The following NBEAL1 variants were observed in gnomAD, a reference collection of about 807,000 sequenced individuals.
NBEAL1 encodes neurobeachin-like protein 1.
NBEAL1 carries 273 observed loss-of-function variants against 351.3 expected under a neutral mutation model. The ratio of observed to expected loss-of-function variants is 0.78; its 90% CI spans 0.70 to 0.86. The LOEUF is 0.86. Ranked by LOEUF, NBEAL1 falls within the 40% of genes least tolerant of loss-of-function variation. NBEAL1 has a pLI of 0.00. For synonymous variants in NBEAL1, 1,050 were observed against 1,086.4 expected (o/e 0.97, Z 0.66); for missense variants, 2,961 against 3,201.3 (o/e 0.92, Z 1.81).
At chr2:203,183,506 G>T in intron 44 of NBEAL1, 118 bp downstream of exon 44, 2 of 587,338 alleles carry the variant, frequency 3.4e-6, no homozygotes, top group Non-Finnish European at 5.9e-6. Context: ...TATTATATAT[G>T]CTGACTTTAG....
chr2:203,093,118 G>T (rs1039902409), intron 10 of NBEAL1, among the ~76,000 whole-genome samples: 2 of 150,536 alleles, frequency 1.3e-5, no homozygotes, highest in Non-Finnish European at 3.0e-5. Context: ...TGTAGTCCCA[G>T]CTACTGGGGA....
chr2:203,053,873 T>C (rs2061363770), intron 4 of NBEAL1, among the ~76,000 whole-genome samples: 1 of 152,168 alleles, frequency 6.6e-6, no homozygotes, highest in South Asian at 2.1e-4. Context: ...TTTATTCTTT[T>C]AATAGTATTT....
chr2:203,211,324 T>G (rs2065783730), intron 54 of NBEAL1, among the ~76,000 whole-genome samples: 1 of 152,030 alleles, frequency 6.6e-6, no homozygotes, highest in Non-Finnish European at 1.5e-5. Flanking sequence ...AAATTTTACA[T>G]TATATATATT....
At chr2:203,172,116 A>T (rs561489101) in intron 40 of NBEAL1, 93 bp downstream of exon 40, 21 of 582,914 alleles carry the variant, frequency 3.6e-5, no homozygotes, top group Admixed American at 7.6e-5. Context: ...TTATTTAAAA[A>T]ATATAAAAAC....
intron 11 of NBEAL1, among the ~76,000 whole-genome samples, chr2:203,099,378 G>GT (rs1320088969): frequency 6.6e-6 from 1 of 151,328 alleles, no homozygotes; most frequent in African/African-American, 2.4e-5. Context: ...TGTTAAGCTT[G>GT]TTTTTTTCTC....
chr2:203,197,521 C>A (rs182022519), intron 48 of NBEAL1, 130 bp downstream of exon 48: 2 of 543,986 alleles, frequency 3.7e-6, no homozygotes, highest in Non-Finnish European at 6.5e-6. Flanking sequence ...GTAATCCCAG[C>A]GCTTTGGGAG....
intron 12 of NBEAL1, among the ~76,000 whole-genome samples, chr2:203,101,627 G>T (rs77596386): frequency 6.6e-6 from 1 of 151,978 alleles, no homozygotes; most frequent in Non-Finnish European, 1.5e-5. Flanking sequence ...ACAGAGTCTC[G>T]TTCTCTCACC....
At position 203,169,762 on chromosome 2, in the gene NBEAL1, T is replaced by C. The variant is rs371884590; in HGVS notation, c.6013T>C (p.Tyr2005His). Residue 2005 changes from tyrosine to histidine, a missense_variant, in exon 39 of 56, where the codon TAT becomes CAT. Tyr to His is a moderately conservative substitution (Grantham distance 83, BLOSUM62 2). Transcript: ENST00000683969. ...TTTTTTATAGGTTAGAAACAAAATA[T>C]ATAGCCGACTGTTGTCACTTCATTC... is the stretch of plus-strand genomic sequence containing the variant. Reference protein sequence around the residue: ...NFKKEVRNKIYSRLLSLHSPN... With the variant: ...NFKKEVRNKIHSRLLSLHSPN... 16 of 1,604,116 alleles carry C rather than the reference T, an allele frequency of 1.0e-5. No homozygotes were observed. The highest frequency in any genetic ancestry group is 1.3e-5 in the Non-Finnish European group (15 of 1,175,376).
intron 3 of NBEAL1, 21 bp from the exon 4 acceptor site, chr2:203,049,793 T>A (rs1184970410): frequency 6.7e-7 from 1 of 1,497,384 alleles, no homozygotes; most frequent in African/African-American, 1.4e-5. Flanking sequence ...GGCTTCTTAT[T>A]TTTTTCCCTT....
At chr2:203,190,528 CTTATA>C in intron 46 of NBEAL1, 139 bp downstream of exon 46, 1 of 747,004 alleles carries the variant, frequency 1.3e-6, no homozygotes, top group South Asian at 1.8e-5. Flanking sequence ...CTCAGAAAGT[CTTATA>C]TTATTTCCAA....
intron 47 of NBEAL1, among the ~76,000 whole-genome samples, chr2:203,195,677 G>T (rs1001499835): frequency 6.6e-6 from 1 of 152,180 alleles, no homozygotes; most frequent in Non-Finnish European, 1.5e-5. Flanking sequence ...GGGAAGCCAG[G>T]CACAAGTGTC....
chr2:203,207,620 C>T (rs1314164804), intron 51 of NBEAL1, among the ~76,000 whole-genome samples: 2 of 152,188 alleles, frequency 1.3e-5, no homozygotes, highest in African/African-American at 4.8e-5. Flanking sequence ...TACCCCCAAC[C>T]CTGTGCTCTC....
At chr2:203,148,494 A>C (rs1352856034) in intron 33 of NBEAL1, among the ~76,000 whole-genome samples, 1 of 152,040 alleles carries the variant, frequency 6.6e-6, no homozygotes, top group Non-Finnish European at 1.5e-5. Context: ...CTAATAGATG[A>C]ATATTGATGT....
At position 203,151,602 on chromosome 2, in the gene NBEAL1, G is replaced by T; in HGVS notation, c.5587+13G>T. The stretch of plus-strand genomic sequence containing the variant: ...AGAGATAATCTGGGTGAGTTCCAAT[G>T]ACTGTTTAATTGTTTGTTGAAGATA... On this transcript the variant is annotated intron_variant, in intron 35 of 55. Coordinates refer to ENST00000683969, the MANE Select transcript of NBEAL1 (RefSeq NM_001378026.1). 3 of 1,585,922 alleles carry T rather than the reference G, an allele frequency of 1.9e-6. No individual in the cohort carries two copies. In the South Asian group the frequency reaches 3.5e-5, roughly 19 times the overall value.
chr2:203,163,317 A>T (rs1251781760), intron 36 of NBEAL1, among the ~76,000 whole-genome samples: 1 of 152,244 alleles, frequency 6.6e-6, no homozygotes, highest in African/African-American at 2.4e-5. Context: ...TGCTTAACTC[A>T]TATCATTAGT....
chr2:203,022,578 A>G (rs1482667377), intron 2 of NBEAL1, among the ~76,000 whole-genome samples: 1 of 152,146 alleles, frequency 6.6e-6, no homozygotes, highest in East Asian at 1.9e-4. Flanking sequence ...ATCTGTCAAA[A>G]TTTTTTAGAA....
At chr2:203,172,922 G>T in intron 41 of NBEAL1, 69 bp downstream of exon 41, 2 of 1,428,792 alleles carry the variant, frequency 1.4e-6, no homozygotes, top group Non-Finnish European at 1.9e-6. Flanking sequence ...TTTTTACTAT[G>T]GCCAACCAAA....
chr2:203,149,222 C>T (rs2063587673), intron 34 of NBEAL1, 74 bp downstream of exon 34: 2 of 993,232 alleles, frequency 2.0e-6, no homozygotes, highest in South Asian at 2.5e-5. Flanking sequence ...AGCAAATGCC[C>T]CCTTTCACTC....
At chr2:203,104,905 G>T (rs1320912370) in intron 12 of NBEAL1, among the ~76,000 whole-genome samples, 1 of 151,358 alleles carries the variant, frequency 6.6e-6, no homozygotes, top group African/African-American at 2.4e-5. Flanking sequence ...TGTTGCCCAG[G>T]TTGGAGTGCA....
Sources: allele counts gnomAD v4.1 joint callset (sites outside exome capture counted in the v4.1 genomes callset), GRCh38; gene constraint gnomAD v4.1.1; transcripts MANE v1.5; gene names NCBI Gene and HGNC (gene_info 2026-07-23, HGNC 2026-07-21).